Variants in DNAH2 observed in about 807,000 individuals in gnomAD.
DNAH2 encodes the protein axonemal beta dynein heavy chain 2.
DNAH2 carries 323 observed loss-of-function variants against 523.5 expected under a neutral mutation model. The ratio of observed to expected loss-of-function variants is 0.62; its 90% CI spans 0.56 to 0.68. The LOEUF (loss-of-function observed/expected upper bound fraction) is 0.68. Among genes scored for constraint, DNAH2 ranks in the 30% least tolerant of loss-of-function variants. The pLI is 0.00. For missense variants in DNAH2, 4,907 were observed against 5,701.5 expected (o/e 0.86, Z 4.49); for synonymous variants, 2,093 against 2,177.4 (o/e 0.96, Z 1.08).
At chr17:7,720,398 A>G (rs916965635) in intron 2 of DNAH2, among the ~76,000 whole-genome samples, 5 of 152,136 alleles carry the variant, frequency 3.3e-5, no homozygotes, top group African/African-American at 1.2e-4. Flanking sequence ...TCATTTTGGC[A>G]GGGACTTGGT....
chr17:7,743,178 C>G lies in DNAH2; in HGVS notation c.1904+36C>G, dbSNP rs373428277. On this transcript the variant is annotated intron_variant, in intron 12 of 85. Coordinates refer to ENST00000572933, the MANE Select transcript of DNAH2 (RefSeq NM_020877.5). ...CACCTGGCCCCTTTTCCCTATACTCCCCTTCTGCAGCTCTCCCAAGAATTT... is the reference window on the plus strand; with the variant it reads ...CACCTGGCCCCTTTTCCCTATACTCGCCTTCTGCAGCTCTCCCAAGAATTT... 3.1e-6 allele frequency: 5 copies of G among 1,602,880 alleles called. No homozygotes were observed. In the African/African-American group the frequency reaches 6.7e-5, roughly 21 times the overall value.
chr17:7,764,774 T>A (rs1031423460), intron 20 of DNAH2, among the ~76,000 whole-genome samples: 1 of 139,258 alleles, frequency 7.2e-6, no homozygotes, highest in Non-Finnish European at 1.6e-5. Flanking sequence ...ATTTACTTAC[T>A]GTATTTACTT....
chr17:7,731,134 T>TAATTAAATTAAATTA (rs71159524), intron 4 of DNAH2, among the ~76,000 whole-genome samples: 2 of 148,672 alleles, frequency 1.3e-5, no homozygotes, highest in African/African-American at 5.0e-5. Context: ...ATAAATAAAT[T>TAATTAAATTAAATTA]AATTAAATTA....
At position 7,798,044 on chromosome 17, in the gene DNAH2, A is replaced by G; in HGVS notation, c.8231-113A>G. ...GCCTTGGGCACCAACTTCTTCTCAT[A>G]CCTCTTGGTTCCTCTGCTTCAGTTT... On this transcript the variant is annotated intron_variant, in intron 53 of 85. Transcript: ENST00000572933. This position sits in a 1 kb window ranked among gnomAD's most constrained non-coding sequence, Gnocchi z 5.5. 7.0e-7 allele frequency: 1 copy of G among 1,433,596 alleles called. No individual in the cohort carries two copies. Among genetic ancestry groups the G allele is most frequent in the Non-Finnish European group, 9.3e-7 (1 of 1,071,826 alleles). The allele number at this position is 1,433,596 out of a possible 1,614,324, so 88.8% of individuals were successfully genotyped here. A position where few individuals can be genotyped will look rare whatever the true frequency, so the allele number is the denominator to read the frequency against.
chr17:7,757,168 T>C lies in DNAH2; in HGVS notation c.1982T>C (p.Val661Ala), dbSNP rs745691906. 9 of 1,614,208 alleles carry C rather than the reference T, an allele frequency of 5.6e-6. No homozygotes were observed. In the East Asian group the frequency reaches 8.9e-5, roughly 16 times the overall value. ...GAGACGCCCCATTACGTGGTGAACG[T>C]AGCTGAGCGAGCCGAGGACCTGCGC... ...LFETPHYVVNVAERAEDLRIL... is the reference protein window; with the variant it reads ...LFETPHYVVNAAERAEDLRIL... The change falls in exon 13 of 86, where the codon GTA becomes GCA. Residue 661 changes from valine (V) to alanine (A), a missense_variant. This residue lies in a region of DNAH2 where 2,806 missense variants were observed against 3,190.8 expected (regional missense o/e 0.88). Transcript: ENST00000572933.
chr17:7,729,981 G>A (rs913237736), intron 4 of DNAH2, among the ~76,000 whole-genome samples: 1 of 152,106 alleles, frequency 6.6e-6, no homozygotes, highest in Non-Finnish European at 1.5e-5. Flanking sequence ...AAAATGAAAA[G>A]AAATTGCATG....
chr17:7,791,313 C>T (rs2076890069), intron 44 of DNAH2, among the ~76,000 whole-genome samples: 1 of 152,108 alleles, frequency 6.6e-6, no homozygotes, highest in African/African-American at 2.4e-5. Context: ...TCAGGTGATC[C>T]ACGCGGCTCT....
At chr17:7,736,177 T>C (rs1011534495) in intron 7 of DNAH2, among the ~76,000 whole-genome samples, 2 of 152,040 alleles carry the variant, frequency 1.3e-5, no homozygotes, top group African/African-American at 2.4e-5. Flanking sequence ...ACCTGGGCAA[T>C]AAACATTAAA....
In DNAH2 at chr17:7,771,119, T is replaced by TTCC. The variant is rs367938921; in HGVS notation, c.4362+188_4362+189insCTC. ...AGATTCCCTCCGTAACAAGTTTTTG[T>TTCC]TCTTCTCAGATTTTTCTTCCATTTT... is the stretch of plus-strand genomic sequence containing the variant. On this transcript the variant is annotated intron_variant, in intron 27 of 85. Coordinates refer to ENST00000572933, the MANE Select transcript of DNAH2 (RefSeq NM_020877.5). Among the ~76,000 whole-genome samples, 413 of 152,330 alleles carry TTCC rather than the reference T, an allele frequency of 2.7e-3. 2 individuals are homozygous for TTCC. Among genetic ancestry groups the TTCC allele is most frequent in the African/African-American group, 9.6e-3 (399 of 41,568 alleles).
In DNAH2 at chr17:7,789,579, C is replaced by CTT. The variant is rs58735826; in HGVS notation, c.6900+1349_6900+1350dup. Among the ~76,000 whole-genome samples the CTT allele has an allele frequency of 2.2e-3, 308 of 140,672 alleles. 4 individuals carry two copies. The highest frequency in any genetic ancestry group is 3.7e-3 in the Admixed American group (52 of 14,038). 92.3% of individuals were successfully genotyped at this position (140,672 alleles called of 152,430 possible). Reference sequence around the variant, plus strand: ...CCCACCTATAGGATTGAGGAATACTCTTTTTTTTTTTTTTTGAGATGGAGT... The same window carrying CTT: ...CCCACCTATAGGATTGAGGAATACTCTTTTTTTTTTTTTTTTTGAGATGGAGT... On this transcript the variant is annotated intron_variant, in intron 44 of 85. Coordinates refer to ENST00000572933, the MANE Select transcript of DNAH2 (RefSeq NM_020877.5).
intron 13 of DNAH2, 121 bp downstream of exon 13, chr17:7,757,358 C>CAA (rs200641531): frequency 0.016 from 16,258 of 1,031,332 alleles, 116 homozygotes; most frequent in African/African-American, 0.063. Flanking sequence ...TTTTCCATCT[C>CAA]AAAAAAAAAA....
At chr17:7,783,067 T>C (rs992747124) in intron 39 of DNAH2, among the ~76,000 whole-genome samples, 2 of 152,060 alleles carry the variant, frequency 1.3e-5, no homozygotes, top group Non-Finnish European at 2.9e-5. Flanking sequence ...GAGGACTGTT[T>C]TTTTGTTTTG....
At chr17:7,810,429 C>G (rs1597733394) in intron 63 of DNAH2, among the ~76,000 whole-genome samples, 1 of 152,224 alleles carries the variant, frequency 6.6e-6, no homozygotes, top group Non-Finnish European at 1.5e-5. Flanking sequence ...CGCTCTATCA[C>G]CCAGGCTGGA....
intron 77 of DNAH2, among the ~76,000 whole-genome samples, chr17:7,825,491 C>T (rs942568245): frequency 6.6e-6 from 1 of 152,206 alleles, no homozygotes; most frequent in Admixed American, 6.5e-5. Context: ...AGTCGACTGT[C>T]CCTTTCCCTG....
At chr17:7,761,783 C>T (rs1425289568) in intron 18 of DNAH2, among the ~76,000 whole-genome samples, 2 of 152,096 alleles carry the variant, frequency 1.3e-5, no homozygotes, top group Non-Finnish European at 2.9e-5. Context: ...TTATGCCTGG[C>T]CTAGAAGAAG....
chr17:7,801,959 C>A lies in DNAH2; in HGVS notation c.8914C>A (p.Arg2972=). The change falls in exon 58 of 86, where the codon CGG becomes AGG. Residue 2972 remains arginine, a synonymous_variant. Transcript: ENST00000572933. The part of the protein sequence containing the change: ...QYSQKMLLEL[R]RHNYVTPTKY... ...TTCCCAGAAGATGCTGTTGGAACTG[C>A]GGAGACACAACTATGTCACACCCAC... is the stretch of plus-strand genomic sequence containing the variant. 3 of 1,614,226 alleles carry A rather than the reference C, an allele frequency of 1.9e-6. No homozygotes were observed. In the South Asian group the frequency reaches 3.3e-5, roughly 18 times the overall value.
At chr17:7,761,448 A>T (rs74505085) in intron 18 of DNAH2, among the ~76,000 whole-genome samples, 2,129 of 151,926 alleles carry the variant, frequency 0.014, 39 homozygotes, top group African/African-American at 0.045. Context: ...TCTTTTTTTT[A>T]AAATTTTTTG....
intron 7 of DNAH2, among the ~76,000 whole-genome samples, chr17:7,735,382 G>A (rs1212974490): frequency 6.6e-6 from 1 of 152,052 alleles, no homozygotes; most frequent in East Asian, 1.9e-4. Context: ...CACCCACCTT[G>A]GCCTCCCAAA....
At position 7,733,245 on chromosome 17, in the gene DNAH2, C is replaced by T. The variant is rs777840214; in HGVS notation, c.558C>T (p.Asn186=). The T allele has an allele frequency of 6.2e-7, 1 of 1,614,200 alleles. No homozygotes were observed. Residue 186 remains asparagine (N), a synonymous_variant, in exon 5 of 86, where the codon AAC becomes AAT. Coordinates refer to ENST00000572933, the MANE Select transcript of DNAH2 (RefSeq NM_020877.5). ...TCTTTGCCCCTCAGATCTTTGCAAA[C>T]ACAGGCTGGCCTGAGAGCATTAGAA... ...GGVFAPQIFA[N]TGWPESIRNH... is the part of the protein sequence containing the mutation.
Sources: allele counts gnomAD v4.1 joint callset (sites outside exome capture counted in the v4.1 genomes callset), GRCh38; gene constraint gnomAD v4.1.1; regional missense constraint gnomAD v4.1.1; non-coding constraint Gnocchi (gnomAD v3.1); transcripts MANE v1.5; gene names NCBI Gene and HGNC (gene_info 2026-07-23, HGNC 2026-07-21).